SHANK2: variants seen among roughly 807,000 people sequenced by gnomAD.
SHANK2 encodes SH3 and multiple ankyrin repeat domains 2, also known as SH3 and multiple ankyrin repeat domains protein 2.
SHANK2 carries 43 observed loss-of-function variants against 133.7 expected under a neutral mutation model. The ratio of observed to expected loss-of-function variants is 0.32; its 90% CI spans 0.25 to 0.41. The LOEUF is 0.41. Ranked by LOEUF, SHANK2 falls within the 10% of genes least tolerant of loss-of-function variation. SHANK2 has a pLI of 1.00. For synonymous variants in SHANK2, 1,017 were observed against 952.8 expected (o/e 1.07, Z -1.24); for missense variants, 1,994 against 2,235.8 (o/e 0.89, Z 2.18).
In SHANK2 at chr11:70,569,259, A is replaced by T. The variant is rs1554982605; in HGVS notation, c.2062-66328T>A. On this transcript the variant is annotated intron_variant, in intron 17 of 25. Transcript: ENST00000601538. This position sits in a 1 kb window ranked among gnomAD's most constrained non-coding sequence, Gnocchi z 5.1. ...CCTAAGTGTGTAGTGACCCCAGGGG[A>T]GGCTGGTGGCTAAGCCATGCCGCTG... Among the ~76,000 whole-genome samples, 3 of 152,112 alleles carry T rather than the reference A, an allele frequency of 2.0e-5. No homozygotes were observed. The highest frequency in any genetic ancestry group is 4.4e-5 in the Non-Finnish European group (3 of 67,996).
intron 9 of SHANK2, among the ~76,000 whole-genome samples, chr11:71,060,098 C>G (rs1422067851): frequency 6.6e-6 from 1 of 152,232 alleles, no homozygotes; most frequent in Admixed American, 6.5e-5. Flanking sequence ...TCCCCACCCT[C>G]TGACACAGTG....
At chr11:70,510,852 G>T (rs538427169) in intron 17 of SHANK2, among the ~76,000 whole-genome samples, 1 of 152,176 alleles carries the variant, frequency 6.6e-6, no homozygotes, top group African/African-American at 2.4e-5. Context: ...TCCATTTTCC[G>T]GACAGAAGCT....
At chr11:70,502,021 T>C in intron 19 of SHANK2, 90 bp from the exon 20 acceptor site, 1 of 1,443,330 alleles carries the variant, frequency 6.9e-7, no homozygotes. Context: ...CCCGCGAGGC[T>C]CCGAGGGAGG....
rs1175340903 is a variant in SHANK2, at chr11:70,500,318, C to T, written c.2308+252G>A. Among the ~76,000 whole-genome samples, 3 of 152,060 alleles carry T rather than the reference C, an allele frequency of 2.0e-5. No individual in the cohort carries two copies. The highest frequency in any genetic ancestry group is 7.2e-5 in the African/African-American group (3 of 41,398). ...CCAAACAGGGGTCCGGCCAGCTTCA[C>T]GGTCATGACGATGTGAACACAGGTC... is the stretch of plus-strand genomic sequence containing the variant. On this transcript the variant is annotated intron_variant, in intron 21 of 25. Coordinates refer to ENST00000601538, the MANE Select transcript of SHANK2 (RefSeq NM_012309.5). The surrounding 1 kb of genome is among the most constrained non-coding windows in gnomAD (Gnocchi z 4.5).
At chr11:71,207,328 C>T (rs1446324176) in intron 2 of SHANK2, among the ~76,000 whole-genome samples, 5 of 151,924 alleles carry the variant, frequency 3.3e-5, no homozygotes, top group East Asian at 1.9e-4. Flanking sequence ...TATAGGCTTC[C>T]GCTACCACAC....
chr11:70,882,363 T>C lies in SHANK2; in HGVS notation c.1174+14138A>G, dbSNP rs1949672074. 6.6e-6 allele frequency among the ~76,000 whole-genome samples: 1 copy of C among 152,170 alleles called. No homozygotes were observed. Among genetic ancestry groups the C allele is most frequent in the Non-Finnish European group, 1.5e-5 (1 of 68,036 alleles). On this transcript the variant is annotated intron_variant, in intron 11 of 25. Transcript: ENST00000601538. The surrounding 1 kb of genome is among the most constrained non-coding windows in gnomAD (Gnocchi z 4.2). ...AAGGCCCCTGGGCTGTGCCTGTAGC[T>C]AGGAGCTGGGAACCAGTTCTATAGC...
chr11:70,601,950 G>A (rs1247395467), intron 17 of SHANK2, among the ~76,000 whole-genome samples: 1 of 152,154 alleles, frequency 6.6e-6, no homozygotes, highest in Non-Finnish European at 1.5e-5. Flanking sequence ...GATACAGTTT[G>A]GATATTTAAC....
chr11:70,531,762 G>A (rs563337713), intron 17 of SHANK2, among the ~76,000 whole-genome samples: 14 of 152,316 alleles, frequency 9.2e-5, no homozygotes, highest in Middle Eastern at 3.4e-3. Context: ...CATGTCACTC[G>A]GGGCTGGAAG....
chr11:71,055,999 C>T (rs1950913719), intron 10 of SHANK2, among the ~76,000 whole-genome samples: 1 of 152,038 alleles, frequency 6.6e-6, no homozygotes, highest in Non-Finnish European at 1.5e-5. Context: ...AAGTTTAGGA[C>T]CTGGGCTTGT....
chr11:70,708,857 G>T (rs1555025514), intron 14 of SHANK2, among the ~76,000 whole-genome samples: 2 of 152,134 alleles, frequency 1.3e-5, no homozygotes. Flanking sequence ...CCTGAAGAGG[G>T]GATTGAAAGG....
intron 15 of SHANK2, among the ~76,000 whole-genome samples, chr11:70,684,365 T>G (rs1321503453): frequency 6.6e-6 from 1 of 152,066 alleles, no homozygotes; most frequent in Admixed American, 6.5e-5. Flanking sequence ...AAGACCAGCT[T>G]GGGCAACCTA....
At chr11:71,217,581 G>C (rs1476821663) in intron 2 of SHANK2, among the ~76,000 whole-genome samples, 1 of 152,146 alleles carries the variant, frequency 6.6e-6, no homozygotes, top group Admixed American at 6.5e-5. Flanking sequence ...GTAATCACAG[G>C]AGATGCCAGC....
rs552435251 is a variant in SHANK2, at chr11:70,739,726, G to C, written c.1778-40963C>G. Among the ~76,000 whole-genome samples the C allele has an allele frequency of 1.3e-4, 20 of 152,320 alleles. No individual in the cohort carries two copies. The highest frequency in any genetic ancestry group is 6.2e-4 in the South Asian group (3 of 4,820). ...AACCCCTGCTCCTCAGAATGTGACT[G>C]TATTTGGAGATAAGGTCTTTAAAGA... On this transcript the variant is annotated intron_variant, in intron 14 of 25. Coordinates refer to ENST00000601538, the MANE Select transcript of SHANK2 (RefSeq NM_012309.5). The surrounding 1 kb of genome is among the most constrained non-coding windows in gnomAD (Gnocchi z 4.3).
chr11:70,638,201 G>A (rs2134137658), intron 17 of SHANK2, among the ~76,000 whole-genome samples: 1 of 152,364 alleles, frequency 6.6e-6, no homozygotes, highest in South Asian at 2.1e-4. Context: ...CAGAGTCCGG[G>A]GGGAACAGGC....
chr11:70,557,470 G>A (rs1172670244), intron 17 of SHANK2, among the ~76,000 whole-genome samples: 1 of 152,184 alleles, frequency 6.6e-6, no homozygotes, highest in African/African-American at 2.4e-5. Flanking sequence ...AGCAGTGGGG[G>A]AGGAGCCCAG....
At chr11:71,122,676 G>A (rs1419259251) in intron 3 of SHANK2, among the ~76,000 whole-genome samples, 6 of 152,034 alleles carry the variant, frequency 3.9e-5, no homozygotes, top group African/African-American at 9.7e-5. Context: ...ATCTGGACAC[G>A]GCATCATGCA....
intron 2 of SHANK2, among the ~76,000 whole-genome samples, chr11:71,153,529 T>C (rs1193537574): frequency 6.6e-6 from 1 of 152,210 alleles, no homozygotes; most frequent in Non-Finnish European, 1.5e-5. Flanking sequence ...AGACAGACTT[T>C]TCCACTAATT....
chr11:71,155,546 C>T (rs1952892224), intron 2 of SHANK2, among the ~76,000 whole-genome samples: 1 of 152,186 alleles, frequency 6.6e-6, no homozygotes, highest in East Asian at 1.9e-4. Flanking sequence ...ACCACCAGCC[C>T]CCAGTAACTG....
chr11:70,607,111 G>C (rs2060588926), intron 17 of SHANK2, among the ~76,000 whole-genome samples: 1 of 152,164 alleles, frequency 6.6e-6, no homozygotes, highest in African/African-American at 2.4e-5. Context: ...TGGCCCCTCA[G>C]ACGGGGGCGG....
Sources: allele counts gnomAD v4.1 joint callset (sites outside exome capture counted in the v4.1 genomes callset), GRCh38; gene constraint gnomAD v4.1.1; non-coding constraint Gnocchi (gnomAD v3.1); transcripts MANE v1.5; gene names NCBI Gene and HGNC (gene_info 2026-07-23, HGNC 2026-07-21).